Variants in ATP13A4 observed in about 807,000 individuals in gnomAD.
ATP13A4 encodes the protein ATPase 13A4, also known as probable cation-transporting ATPase 13A4.
ATP13A4 carries 114 observed loss-of-function variants against 142.5 expected under a neutral mutation model. That is an observed-to-expected ratio of 0.80 (90% CI 0.69 to 0.93). The LOEUF (loss-of-function observed/expected upper bound fraction) is 0.93, where lower values mean the gene tolerates loss of function less well. Ranked by LOEUF, ATP13A4 falls within the 40% of genes least tolerant of loss-of-function variation. The pLI is 0.00. For missense variants in ATP13A4, 1,392 were observed against 1,454.0 expected (o/e 0.96, Z 0.69); for synonymous variants, 488 against 514.8 (o/e 0.95, Z 0.70).
At chr3:193,423,562 C>T (rs990219837) in intron 25 of ATP13A4, among the ~76,000 whole-genome samples, 3 of 149,664 alleles carry the variant, frequency 2.0e-5, no homozygotes, top group Non-Finnish European at 4.4e-5. Flanking sequence ...TGATACATTA[C>T]ATCAATAGGA....
At chr3:193,529,980 A>G (rs2108701355) in intron 1 of ATP13A4, among the ~76,000 whole-genome samples, 1 of 152,260 alleles carries the variant, frequency 6.6e-6, no homozygotes, top group East Asian at 1.9e-4. Context: ...TAAGATTCCT[A>G]TAAGCATTCC....
At chr3:193,558,762 C>CAT (rs1723955504), upstream of ATP13A4, among the ~76,000 whole-genome samples, 1 of 152,208 alleles carries the variant, frequency 6.6e-6, no homozygotes, top group Non-Finnish European at 1.5e-5. Flanking sequence ...AAATTATACA[C>CAT]ATATATTGAT....
chr3:193,500,709 G>A (rs1720495487), intron 3 of ATP13A4, among the ~76,000 whole-genome samples: 1 of 152,312 alleles, frequency 6.6e-6, no homozygotes, highest in Admixed American at 6.5e-5. Flanking sequence ...TTCCTAACAG[G>A]CCATGGACAG....
At chr3:193,540,221 T>C (rs1306320205) in intron 1 of ATP13A4, among the ~76,000 whole-genome samples, 1 of 152,024 alleles carries the variant, frequency 6.6e-6, no homozygotes, top group African/African-American at 2.4e-5. Flanking sequence ...CCCCGTAACA[T>C]GTTCTGCTTG....
rs184186970 is a variant in ATP13A4, at chr3:193,462,696, G to A, written c.1523+66C>T. 1.8e-4 allele frequency: 260 copies of A among 1,481,290 alleles called. 1 individual carries two copies. In the African/African-American group the frequency reaches 2.9e-3, roughly 17 times the overall value. 91.8% of individuals were successfully genotyped at this position (1,481,290 alleles called of 1,614,324 possible). A position where few individuals can be genotyped will look rare whatever the true frequency, so the allele number is the denominator to read the frequency against. ...AATGTCTCCATTCTTAATTTCAAGAGAAAACACGGAATTTTGGAAAAAGAG... is the reference window on the plus strand; with the variant it reads ...AATGTCTCCATTCTTAATTTCAAGAAAAAACACGGAATTTTGGAAAAAGAG... On this transcript the variant is annotated intron_variant, in intron 13 of 29. Transcript: ENST00000342695.
chr3:193,409,906 T>C (rs977703347), intron 28 of ATP13A4, among the ~76,000 whole-genome samples: 7 of 152,174 alleles, frequency 4.6e-5, no homozygotes, highest in African/African-American at 1.7e-4. Flanking sequence ...GCACTGGTAA[T>C]ACAAGAATGA....
intron 13 of ATP13A4, 123 bp downstream of exon 13, chr3:193,462,639 T>C (rs1318324498): frequency 2.3e-6 from 2 of 875,786 alleles, no homozygotes; most frequent in East Asian, 2.5e-5. Context: ...GAAGATACTT[T>C]GGCAATCATT....
At position 193,435,734 on chromosome 3, in the gene ATP13A4, C is replaced by T; in HGVS notation, c.2683G>A (p.Ala895Thr). 2 of 1,613,222 alleles carry T rather than the reference C, an allele frequency of 1.2e-6. No homozygotes were observed. ...ATGCAAAAGGAGGTAACGAGAGCTGCACGTCCTTCCCTGTGTAAGAAAAGA... is the reference window on the plus strand; with the variant it reads ...ATGCAAAAGGAGGTAACGAGAGCTGTACGTCCTTCCCTGTGTAAGAAAAGA... ...CVPHLIKEGRAALVTSFCMFK... is the reference protein window; with the variant it reads ...CVPHLIKEGRTALVTSFCMFK... Residue 895 changes from alanine (A) to threonine (T), a missense_variant, in exon 24 of 30, where the codon GCA becomes ACA. Transcript: ENST00000342695.
At chr3:193,551,562 T>A (rs1367372315) in intron 1 of ATP13A4, among the ~76,000 whole-genome samples, 1 of 152,256 alleles carries the variant, frequency 6.6e-6, no homozygotes, top group African/African-American at 2.4e-5. Flanking sequence ...AGCTCACACC[T>A]CGCCAGAACT....
At position 193,420,965 on chromosome 3, in the gene ATP13A4, G is replaced by GAGA. The variant is rs373494800; in HGVS notation, c.2843-6218_2843-6216dup. Among the ~76,000 whole-genome samples, 18 of 149,794 alleles carry GAGA rather than the reference G, an allele frequency of 1.2e-4. 3 individuals are homozygous for GAGA. The highest frequency in any genetic ancestry group is 3.4e-4 in the African/African-American group (14 of 40,788). ...ATTAGCATTATGGGATTGCCAGATG[G>GAGA]AGAAGAGACAAAGATAGAAACAAAA... On this transcript the variant is annotated intron_variant, in intron 25 of 29. Coordinates refer to ENST00000342695, the MANE Select transcript of ATP13A4 (RefSeq NM_032279.4).
intron 25 of ATP13A4, among the ~76,000 whole-genome samples, chr3:193,415,642 T>C (rs1264833556): frequency 1.3e-5 from 2 of 152,184 alleles, no homozygotes; most frequent in Admixed American, 6.5e-5. Flanking sequence ...ACCTGAAGGA[T>C]TGATGCAGGC....
Position 193,459,154 on chromosome 3 carries a change from T to A in ATP13A4, c.1601A>T (p.His534Leu). ...GPLCAAMASC[H>L]SLILLDGTIQ... ...GGTCCCATCAAGAAGGATCAGAGAG[T>A]GGCAGCTGGCCATCGCTGCACACAG... is the stretch of plus-strand genomic sequence containing the variant. The change falls in exon 14 of 30, where the codon CAC (histidine) becomes CTC (leucine). Residue 534 changes from histidine (H) to leucine (L), a missense_variant. By Grantham distance (99) the His-to-Leu change is moderately conservative. Coordinates refer to ENST00000342695, the MANE Select transcript of ATP13A4 (RefSeq NM_032279.4). The A allele has an allele frequency of 6.2e-7, 1 of 1,614,092 alleles. No individual in the cohort carries two copies. The highest frequency in any genetic ancestry group is 8.5e-7 in the Non-Finnish European group (1 of 1,180,012).
At chr3:193,555,597 C>T (rs1723856690), upstream of ATP13A4, among the ~76,000 whole-genome samples, 1 of 152,232 alleles carries the variant, frequency 6.6e-6, no homozygotes, top group Non-Finnish European at 1.5e-5. Context: ...TATGGCCAGA[C>T]TCTTTTTTAA....
intron 8 of ATP13A4, among the ~76,000 whole-genome samples, chr3:193,474,152 T>C (rs1718777900): frequency 6.6e-6 from 1 of 151,270 alleles, no homozygotes; most frequent in Non-Finnish European, 1.5e-5. Context: ...ACCCCGTCTC[T>C]ACTAAAAATA....
At chr3:193,506,722 A>G (rs1720881017) in intron 2 of ATP13A4, among the ~76,000 whole-genome samples, 2 of 152,142 alleles carry the variant, frequency 1.3e-5, no homozygotes, top group South Asian at 4.1e-4. Flanking sequence ...TTCTCATGAT[A>G]GTGAGTAAGT....
At chr3:193,528,637 T>G (rs962539553) in intron 1 of ATP13A4, among the ~76,000 whole-genome samples, 1 of 152,188 alleles carries the variant, frequency 6.6e-6, no homozygotes, top group African/African-American at 2.4e-5. Flanking sequence ...TTCGAGACAT[T>G]AAATGCTGGG....
At chr3:193,456,910 A>G in intron 16 of ATP13A4, 90 bp downstream of exon 16, 3 of 1,467,316 alleles carry the variant, frequency 2.0e-6, no homozygotes, top group Non-Finnish European at 2.8e-6. Context: ...GATGACCCAT[A>G]GGCGATTGAA....
intron 12 of ATP13A4, among the ~76,000 whole-genome samples, chr3:193,464,210 T>C (rs1489881345): frequency 6.6e-6 from 1 of 152,198 alleles, no homozygotes; most frequent in Admixed American, 6.5e-5. Flanking sequence ...CACAGATAGC[T>C]TCTCCCATTA....
intron 16 of ATP13A4, among the ~76,000 whole-genome samples, chr3:193,455,110 G>A (rs1409034845): frequency 2.0e-5 from 3 of 152,176 alleles, no homozygotes; most frequent in South Asian, 2.1e-4. Context: ...AGGCCGAGGT[G>A]GGCGGATTAT....
Sources: gnomAD v4.1 joint callset for allele counts (sites outside exome capture counted in the v4.1 genomes callset) on GRCh38, gnomAD v4.1.1 for gene constraint, MANE v1.5 for transcripts, NCBI Gene and HGNC (gene_info 2026-07-23, HGNC 2026-07-21) for gene names.